TTC34: variants seen among roughly 807,000 people sequenced by gnomAD.
The protein encoded by TTC34 is tetratricopeptide repeat protein 34.
In TTC34, 44 loss-of-function variants were observed where a neutral mutation model predicts 40.7. The ratio of observed to expected loss-of-function variants is 1.08; its 90% CI spans 0.85 to 1.39. TTC34 has a LOEUF of 1.39. Ranked by LOEUF, TTC34 falls within the 40% of genes most tolerant of loss-of-function variation. The pLI is 0.00. For missense variants in TTC34, 884 were observed against 838.0 expected (o/e 1.05, Z -0.68); for synonymous variants, 422 against 398.6 (o/e 1.06, Z -0.70).
At chr1:2,644,055 C>G (rs1259688441) in intron 8 of TTC34, among the ~76,000 whole-genome samples, 2 of 152,242 alleles carry the variant, frequency 1.3e-5, no homozygotes, top group African/African-American at 4.8e-5. Context: ...TACAAAGAGG[C>G]TGAGAGGTCG....
Position 2,749,612 on chromosome 1 carries a change from G to T in TTC34, c.2226+33997C>A, listed in dbSNP as rs1241804536. Among the ~76,000 whole-genome samples the T allele has an allele frequency of 7.7e-3, 557 of 72,454 alleles. 2 individuals are homozygous for T. The highest frequency in any genetic ancestry group is 0.012 in the South Asian group (21 of 1,780). The allele number at this position is 72,454 out of a possible 152,430, so 47.5% of individuals were successfully genotyped here. A position where few individuals can be genotyped will look rare whatever the true frequency, so the allele number is the denominator to read the frequency against. On this transcript the variant is annotated intron_variant, in intron 6 of 8. Coordinates refer to ENST00000401095, the Ensembl canonical transcript of TTC34. ...TGGAGCAGCACCCACACCCCCAGGT[G>T]TGCATGTGATGGTCTGGAGCAGCCC...
exon 9 of TTC34, chr1:2,639,423 C>A (rs980615312): frequency 6.6e-6 from 1 of 152,546 alleles, no homozygotes; most frequent in African/African-American, 2.4e-5. Flanking sequence ...CCCTAGGGGA[C>A]GCCTCCCCAC....
chr1:2,684,326 G>C (rs1640218522), intron 6 of TTC34, among the ~76,000 whole-genome samples: 2 of 138,314 alleles, frequency 1.4e-5, no homozygotes, highest in African/African-American at 5.4e-5. Flanking sequence ...CCCCAAGTGA[G>C]CATCTGATGG....
At chr1:2,783,939 TG>T (rs986779990) in intron 5 of TTC34, among the ~76,000 whole-genome samples, 164 bp from the exon 6 acceptor site, 2 of 151,370 alleles carry the variant, frequency 1.3e-5, no homozygotes, top group African/African-American at 4.9e-5. Flanking sequence ...AGGGTGGACT[TG>T]GGGGCATTGG....
chr1:2,692,562 A>G (rs1569598452), intron 6 of TTC34, among the ~76,000 whole-genome samples: 1 of 138,144 alleles, frequency 7.2e-6, no homozygotes, highest in Non-Finnish European at 1.6e-5. Flanking sequence ...CGAGCATCGG[A>G]CGGCCTGGAA....
chr1:2,798,453 GC>G, intron 2 of TTC34, among the ~76,000 whole-genome samples: 1 of 77,430 alleles, frequency 1.3e-5, no homozygotes, highest in Non-Finnish European at 2.4e-5. Context: ...CAGCTCCCCA[GC>G]CCCCCAGCCT....
chr1:2,780,594 C>T (rs1643466786), intron 6 of TTC34, among the ~76,000 whole-genome samples: 1 of 152,156 alleles, frequency 6.6e-6, no homozygotes, highest in Non-Finnish European at 1.5e-5. Flanking sequence ...TCTGGACTCT[C>T]TATTCTGTTT....
rs1639932400 is a variant in TTC34 at position 2,677,057 on chromosome 1, T to TAAAA, written c.2227-31495_2227-31494insTTTT. 1.9e-4 allele frequency among the ~76,000 whole-genome samples: 11 copies of TAAAA among 58,836 alleles called. No individual in the cohort carries two copies. In the East Asian group the frequency reaches 2.5e-3, roughly 13 times the overall value. The allele number at this position is 58,836 out of a possible 152,430, so 38.6% of individuals were successfully genotyped here. A position where few individuals can be genotyped will look rare whatever the true frequency, so the allele number is the denominator to read the frequency against. On this transcript the variant is annotated intron_variant, in intron 6 of 8. Transcript: ENST00000401095. ...CTGGAGCAGCACCCACAACCCCAAG[T>TAAAA]GAGCATCTGATTGTCTGGAGCAGCA...
exon 9 of TTC34, chr1:2,641,700 C>A: frequency 6.5e-7 from 1 of 1,535,548 alleles, no homozygotes; most frequent in African/African-American, 1.4e-5. Context: ...AGGTCACCAT[C>A]CCCCAGCGCC....
chr1:2,656,434 C>A (rs1639350509), intron 6 of TTC34, among the ~76,000 whole-genome samples: 1 of 56,584 alleles, frequency 1.8e-5, no homozygotes, highest in African/African-American at 7.9e-5. Flanking sequence ...GAGCATCTGA[C>A]AGCCTGCAAC....
At chr1:2,749,680 T>C (rs1340627105) in intron 6 of TTC34, among the ~76,000 whole-genome samples, 401 of 25,934 alleles carry the variant, frequency 0.015, 1 homozygote, top group South Asian at 0.035. Context: ...AGCAGCAACC[T>C]GCACACCCAG....
intron 2 of TTC34, among the ~76,000 whole-genome samples, chr1:2,793,170 G>A (rs1468699382): frequency 6.6e-6 from 1 of 152,118 alleles, no homozygotes; most frequent in East Asian, 1.9e-4. Context: ...TGACTAGTGA[G>A]GTTTACTTAT....
At chr1:2,774,673 A>G (rs1642893737) in intron 6 of TTC34, 2 of 116,428 alleles carry the variant, frequency 1.7e-5, no homozygotes, top group Non-Finnish European at 1.7e-5. Context: ...CCCCCAGGCG[A>G]GCATCTGACA....
Position 2,750,402 on chromosome 1 carries a change from C to T in TTC34, c.2226+33207G>A, listed in dbSNP as rs1269100226. On this transcript the variant is annotated intron_variant, in intron 6 of 8. Coordinates refer to ENST00000401095, the Ensembl canonical transcript of TTC34. ...ATCTGACAGCCTGGAACAGCACGCA[C>T]ACCCCCAGGTGCGCACGTGACAGCC... is the stretch of plus-strand genomic sequence containing the variant. Among the ~76,000 whole-genome samples the T allele has an allele frequency of 1.6e-4, 18 of 110,666 alleles. 4 individuals carry two copies. The highest frequency in any genetic ancestry group is 3.2e-4 in the South Asian group (1 of 3,088). 72.6% of individuals were successfully genotyped at this position (110,666 alleles called of 152,430 possible). A position where few individuals can be genotyped will look rare whatever the true frequency, so the allele number is the denominator to read the frequency against.
chr1:2,752,720 A>G (rs1333275823), intron 6 of TTC34, among the ~76,000 whole-genome samples: 5 of 133,916 alleles, frequency 3.7e-5, no homozygotes, highest in African/African-American at 1.2e-4. Context: ...ACAGCATGGA[A>G]CAGCACCCTG....
At chr1:2,692,100 C>T (rs1444095819) in intron 6 of TTC34, among the ~76,000 whole-genome samples, 1 of 131,808 alleles carries the variant, frequency 7.6e-6, no homozygotes, top group Non-Finnish European at 1.6e-5. Flanking sequence ...GAGCAGAACC[C>T]ACACCCCCAG....
intron 6 of TTC34, among the ~76,000 whole-genome samples, chr1:2,687,641 C>T (rs1291036936): frequency 2.0e-5 from 3 of 149,682 alleles, no homozygotes; most frequent in Admixed American, 6.6e-5. Context: ...GGAACAGCAC[C>T]CACACCCCCA....
intron 6 of TTC34, among the ~76,000 whole-genome samples, chr1:2,759,693 C>A (rs1641629314): frequency 5.2e-5 from 5 of 95,884 alleles, no homozygotes; most frequent in Non-Finnish European, 8.7e-5. Context: ...AGGCTTGCAT[C>A]CGACAGCCTG....
At chr1:2,801,308 ACCACACCCCTGCCCAC>A (rs1643769613) in intron 1 of TTC34, among the ~76,000 whole-genome samples, 2 of 151,510 alleles carry the variant, frequency 1.3e-5, no homozygotes, top group Admixed American at 6.6e-5. Context: ...GGGACGCAGG[ACCACACCCCTGCCCAC>A]CCTCTCACAC....
Sources: allele counts gnomAD v4.1 joint callset (sites outside exome capture counted in the v4.1 genomes callset), GRCh38; gene constraint gnomAD v4.1.1; transcripts MANE v1.5; gene names NCBI Gene and HGNC (gene_info 2026-07-23, HGNC 2026-07-21).